The following STK32B variants were observed in gnomAD, a reference collection of about 807,000 sequenced individuals.
The protein encoded by STK32B is serine/threonine kinase 32B.
In STK32B, 43 loss-of-function variants were observed where a neutral mutation model predicts 52.6. The observed-to-expected ratio is 0.82, with a 90% CI of 0.64 to 1.05. The LOEUF is 1.05. STK32B is among the 50% of genes least tolerant of loss of function. STK32B has a pLI of 0.00. For missense variants in STK32B, 621 were observed against 534.6 expected (o/e 1.16, Z -1.59); for synonymous variants, 238 against 204.3 (o/e 1.17, Z -1.41).
chr4:5,043,235 C>T, the STK32B span, among the ~76,000 whole-genome samples: 2 of 151,724 alleles, frequency 1.3e-5, no homozygotes, highest in African/African-American at 2.4e-5. Flanking sequence ...AGCAGGCTTT[C>T]GATTCCAAAT....
chr4:5,082,284 A>G (rs1394763337), intron 1 of STK32B, among the ~76,000 whole-genome samples: 1 of 152,152 alleles, frequency 6.6e-6, no homozygotes, highest in Admixed American at 6.5e-5. Context: ...AGCTGTCTAC[A>G]TGTGCTCATG....
intron 3 of STK32B, among the ~76,000 whole-genome samples, chr4:5,227,622 G>A (rs1296341562): frequency 6.6e-6 from 1 of 152,164 alleles, no homozygotes; most frequent in African/African-American, 2.4e-5. Context: ...AGGTTTGCAG[G>A]TCACACATTC....
chr4:5,330,635 T>C (rs1732173984), intron 3 of STK32B, among the ~76,000 whole-genome samples: 1 of 152,202 alleles, frequency 6.6e-6, no homozygotes, highest in South Asian at 2.1e-4. Flanking sequence ...CACTGGGAAC[T>C]CAGCTGTGGA....
intron 3 of STK32B, among the ~76,000 whole-genome samples, chr4:5,303,316 C>T (rs1237995476): frequency 6.6e-6 from 1 of 152,064 alleles, no homozygotes; most frequent in Admixed American, 6.6e-5. Context: ...AAAAGTGTTT[C>T]ATTTACACCA....
chr4:5,057,573 G>A (rs965086947), intron 1 of STK32B, among the ~76,000 whole-genome samples: 1 of 152,142 alleles, frequency 6.6e-6, no homozygotes, highest in East Asian at 1.9e-4. Flanking sequence ...TAGAGCTTGG[G>A]GGTTGGCTTT....
intron 3 of STK32B, among the ~76,000 whole-genome samples, chr4:5,205,399 G>A (rs1294626552): frequency 6.6e-6 from 1 of 152,126 alleles, no homozygotes; most frequent in African/African-American, 2.4e-5. Context: ...CTGGTTCTCT[G>A]AAGGACCCTA....
At chr4:5,051,985 C>A in intron 1 of STK32B, 70 bp downstream of exon 1, 4 of 1,546,466 alleles carry the variant, frequency 2.6e-6, no homozygotes, top group Non-Finnish European at 3.5e-6. Context: ...TCGGCCGAGC[C>A]CTGCGGGGCA....
In STK32B at chr4:5,058,943, G is replaced by T. The variant is rs1234559898; in HGVS notation, c.52+7028G>T. Among the ~76,000 whole-genome samples the T allele has an allele frequency of 1.3e-5, 2 of 150,886 alleles. No homozygotes were observed. The highest frequency in any genetic ancestry group is 2.4e-5 in the African/African-American group (1 of 41,062). On this transcript the variant is annotated intron_variant, in intron 1 of 11. Transcript: ENST00000282908. The surrounding 1 kb of genome is among the most constrained non-coding windows in gnomAD (Gnocchi z 4.8). ...TTTTTGTATTTTTGGTAGAGATGGG[G>T]TTTCACCATGTTGGCCAGGCTGGTC...
intron 2 of STK32B, among the ~76,000 whole-genome samples, chr4:5,156,793 G>C (rs1214895541): frequency 6.6e-6 from 1 of 152,192 alleles, no homozygotes; most frequent in African/African-American, 2.4e-5. Context: ...TATGATAATA[G>C]CTCTTTATGC....
intron 11 of STK32B, among the ~76,000 whole-genome samples, chr4:5,498,009 A>G (rs999862341): frequency 5.9e-5 from 9 of 152,198 alleles, no homozygotes; most frequent in African/African-American, 1.7e-4. Flanking sequence ...TGTATTCTCT[A>G]TGATCCCCTT....
intron 3 of STK32B, among the ~76,000 whole-genome samples, chr4:5,263,475 T>C (rs1230547179): frequency 6.6e-6 from 1 of 152,146 alleles, no homozygotes; most frequent in Non-Finnish European, 1.5e-5. Flanking sequence ...ATCTCTGTAG[T>C]GAAATGCAGA....
intron 4 of STK32B, among the ~76,000 whole-genome samples, chr4:5,369,194 A>T (rs993914343): frequency 2.6e-5 from 4 of 151,716 alleles, no homozygotes; most frequent in Non-Finnish European, 4.4e-5. Context: ...GATTGGAGAT[A>T]TGAGGCCCAG....
chr4:5,215,015 C>T (rs1024932645), intron 3 of STK32B, among the ~76,000 whole-genome samples: 4 of 152,074 alleles, frequency 2.6e-5, no homozygotes, highest in East Asian at 1.9e-4. Flanking sequence ...TTTAAAAAAC[C>T]GCACAAAGAC....
chr4:5,149,799 A>T (rs978217620), intron 2 of STK32B, among the ~76,000 whole-genome samples: 1 of 151,826 alleles, frequency 6.6e-6, no homozygotes, highest in Non-Finnish European at 1.5e-5. Context: ...TTAGGAGGAA[A>T]ATAGTTTTTG....
intron 4 of STK32B, among the ~76,000 whole-genome samples, chr4:5,351,967 C>T (rs1368335422): frequency 1.3e-5 from 2 of 151,958 alleles, no homozygotes; most frequent in African/African-American, 2.4e-5. Context: ...AAAAGTCTCT[C>T]AAAAAAGAAA....
intron 3 of STK32B, among the ~76,000 whole-genome samples, chr4:5,319,062 C>T (rs1731310194): frequency 6.6e-6 from 1 of 152,112 alleles, no homozygotes; most frequent in Admixed American, 6.5e-5. Context: ...CCTTGGCCTC[C>T]CAAAGTGCTG....
At chr4:5,224,517 C>G (rs909243315) in intron 3 of STK32B, among the ~76,000 whole-genome samples, 1 of 152,212 alleles carries the variant, frequency 6.6e-6, no homozygotes, top group African/African-American at 2.4e-5. Flanking sequence ...CCAAGCTCCC[C>G]CTTGGGATTT....
chr4:5,486,823 A>G (rs911313785), intron 11 of STK32B, among the ~76,000 whole-genome samples: 1 of 152,216 alleles, frequency 6.6e-6, no homozygotes, highest in Non-Finnish European at 1.5e-5. Flanking sequence ...GTCTTTAAGT[A>G]TGTCCAAAGA....
chr4:5,346,697 AAGG>A (rs559995882), intron 4 of STK32B, among the ~76,000 whole-genome samples: 8 of 152,212 alleles, frequency 5.3e-5, no homozygotes, highest in Non-Finnish European at 1.2e-4. Context: ...CTCTATTAAC[AAGG>A]AGGAGTGCTC....
Sources: gnomAD v4.1 joint callset for allele counts (sites outside exome capture counted in the v4.1 genomes callset) on GRCh38, gnomAD v4.1.1 for gene constraint, Gnocchi (gnomAD v3.1) non-coding constraint, MANE v1.5 for transcripts, NCBI Gene and HGNC (gene_info 2026-07-23, HGNC 2026-07-21) for gene names.